ANTXR2: variants seen among roughly 807,000 people sequenced by gnomAD.
The protein encoded by ANTXR2 is anthrax toxin receptor 2.
In ANTXR2, 44 loss-of-function variants were observed where a neutral mutation model predicts 73.7. The observed-to-expected ratio is 0.60, with a 90% confidence interval of 0.47 to 0.77. The LOEUF is 0.77. ANTXR2 is among the 30% of genes least tolerant of loss of function. The pLI, the probability that ANTXR2 is intolerant of heterozygous loss-of-function variation, is 0.00. For synonymous variants in ANTXR2, 217 were observed against 205.9 expected, an observed-to-expected ratio of 1.05 and a Z score of -0.46; for missense variants, 604 against 592.5, an observed-to-expected ratio of 1.02 and a Z score of -0.20.
chr4:80,062,552 G>C (rs1734311766), intron 3 of ANTXR2, among the ~76,000 whole-genome samples: 2 of 152,186 alleles, frequency 1.3e-5, no homozygotes, highest in South Asian at 4.1e-4. Context: ...GACCCCTCAG[G>C]TTTAGCACAA....
chr4:79,977,513 T>C, intron 16 of ANTXR2, 108 bp downstream of exon 16: 4 of 1,496,976 alleles, frequency 2.7e-6, no homozygotes, highest in Non-Finnish European at 3.5e-6. Context: ...AGTATTTCCT[T>C]CCTCAAGTGC....
chr4:80,003,789 G>A (rs958610524), intron 12 of ANTXR2, among the ~76,000 whole-genome samples: 35 of 151,956 alleles, frequency 2.3e-4, no homozygotes, highest in African/African-American at 7.0e-4. Flanking sequence ...AGGAGCAACT[G>A]AATCACTCAT....
intron 3 of ANTXR2, among the ~76,000 whole-genome samples, chr4:80,066,241 C>T (rs1307742779): frequency 6.6e-6 from 1 of 152,106 alleles, no homozygotes; most frequent in African/African-American, 2.4e-5. Context: ...TTGATCTTCA[C>T]AAAAACTCAA....
At chr4:80,036,588 G>A (rs1732978616) in intron 7 of ANTXR2, among the ~76,000 whole-genome samples, 1 of 152,134 alleles carries the variant, frequency 6.6e-6, no homozygotes, top group South Asian at 2.1e-4. Flanking sequence ...ATCACTTGGG[G>A]TCAGGAGTTC....
At chr4:79,980,124 G>A (rs1395044550) in intron 14 of ANTXR2, among the ~76,000 whole-genome samples, 1 of 151,996 alleles carries the variant, frequency 6.6e-6, no homozygotes, top group African/African-American at 2.4e-5. Context: ...GCATTTCTAG[G>A]TACTACACTA....
intron 16 of ANTXR2, among the ~76,000 whole-genome samples, chr4:79,924,107 A>C (rs4461470): frequency 0.57 from 87,170 of 151,886 alleles, 25,349 homozygotes; most frequent in Non-Finnish European, 0.6. Flanking sequence ...TGAACATAGT[A>C]GCCAACAGGT....
chr4:80,072,045 G>A (rs1206094175), intron 1 of ANTXR2, among the ~76,000 whole-genome samples: 1 of 152,136 alleles, frequency 6.6e-6, no homozygotes, highest in East Asian at 1.9e-4. Context: ...ATAAAACCAG[G>A]CAAACTTTAG....
intron 16 of ANTXR2, among the ~76,000 whole-genome samples, chr4:79,956,807 T>C (rs1363234267): frequency 2.0e-5 from 3 of 151,908 alleles, no homozygotes; most frequent in Non-Finnish European, 4.4e-5. Flanking sequence ...ATAGAAGCAT[T>C]GGAAGTATTG....
intron 16 of ANTXR2, among the ~76,000 whole-genome samples, chr4:79,953,154 C>T (rs1728767988): frequency 2.0e-5 from 3 of 152,162 alleles, no homozygotes. Context: ...CCAGTACTCA[C>T]ACACTAAGGA....
intron 16 of ANTXR2, among the ~76,000 whole-genome samples, chr4:79,962,287 T>C (rs1729175311): frequency 6.6e-6 from 1 of 152,020 alleles, no homozygotes; most frequent in Non-Finnish European, 1.5e-5. Flanking sequence ...TTCATATATA[T>C]ATACACACTC....
chr4:79,980,732 T>C (rs1729851709), intron 14 of ANTXR2, among the ~76,000 whole-genome samples: 1 of 152,096 alleles, frequency 6.6e-6, no homozygotes, highest in Non-Finnish European at 1.5e-5. Context: ...ATCATCTCCG[T>C]TCCAGCTTTC....
At chr4:80,054,126 A>G (rs1733878043) in intron 7 of ANTXR2, 146 bp downstream of exon 7, 2 of 618,530 alleles carry the variant, frequency 3.2e-6, no homozygotes, top group Non-Finnish European at 5.5e-6. Flanking sequence ...CTTTAGAATT[A>G]CACTGTTTGC....
At chr4:80,035,903 A>C (rs1732932550) in intron 8 of ANTXR2, 69 bp downstream of exon 8, 2 of 1,297,358 alleles carry the variant, frequency 1.5e-6, no homozygotes, top group South Asian at 1.4e-5. Context: ...CATGAGTTTC[A>C]TATCATATAT....
At chr4:79,977,310 C>T (rs1729677766) in intron 16 of ANTXR2, among the ~76,000 whole-genome samples, 1 of 152,184 alleles carries the variant, frequency 6.6e-6, no homozygotes, top group Non-Finnish European at 1.5e-5. Context: ...TACTAACTCC[C>T]AGTCTGTTGG....
At chr4:79,919,448 A>G (rs1438099179) in intron 16 of ANTXR2, among the ~76,000 whole-genome samples, 1 of 152,032 alleles carries the variant, frequency 6.6e-6, no homozygotes, top group Non-Finnish European at 1.5e-5. Context: ...GCCAAAGGAG[A>G]TTAACATTTG....
intron 16 of ANTXR2, among the ~76,000 whole-genome samples, chr4:79,926,895 A>ATATACACATGTGTGCATATATGTGTG (rs1727807287): frequency 6.6e-6 from 1 of 152,006 alleles, no homozygotes; most frequent in East Asian, 1.9e-4. Context: ...ATATGTGTGT[A>ATATACACATGTGTGCATATATGTGTG]TATACACATG....
At chr4:80,059,627 G>T (rs1469510191) in intron 3 of ANTXR2, among the ~76,000 whole-genome samples, 1 of 152,064 alleles carries the variant, frequency 6.6e-6, no homozygotes, top group Non-Finnish European at 1.5e-5. Context: ...CAAAGTGCTG[G>T]AATTACAGAC....
chr4:80,000,356 G>A (rs2110043711), intron 12 of ANTXR2, among the ~76,000 whole-genome samples: 1 of 152,100 alleles, frequency 6.6e-6, no homozygotes, highest in South Asian at 2.1e-4. Context: ...ATAATTGACA[G>A]AATTTTTTAC....
intron 11 of ANTXR2, among the ~76,000 whole-genome samples, chr4:80,018,566 A>G (rs1731992993): frequency 6.6e-6 from 1 of 152,224 alleles, no homozygotes; most frequent in South Asian, 2.1e-4. Flanking sequence ...CCTAACAGAA[A>G]ACATAATTTC....
Sources: allele counts gnomAD v4.1 joint callset (sites outside exome capture counted in the v4.1 genomes callset), GRCh38; gene constraint gnomAD v4.1.1; transcripts MANE v1.5; gene names NCBI Gene and HGNC (gene_info 2026-07-23, HGNC 2026-07-21).